CCDC138: variants seen among roughly 807,000 people sequenced by gnomAD.
CCDC138 encodes coiled-coil domain-containing protein 138.
CCDC138 carries 66 observed loss-of-function variants against 82.3 expected under a neutral mutation model. That is an observed-to-expected ratio of 0.80 (90% CI 0.66 to 0.98). The LOEUF is 0.98. CCDC138 is among the 50% of genes least tolerant of loss of function. The pLI, the probability that CCDC138 is intolerant of heterozygous loss-of-function variation, is 0.00. For synonymous variants in CCDC138, 297 were observed against 265.4 expected (o/e 1.12, Z -1.16); for missense variants, 816 against 758.9 (o/e 1.08, Z -0.88).
Position 108,800,638 on chromosome 2 carries a change from T to TTTTA in CCDC138, c.735+2052_735+2053insTTTA, listed in dbSNP as rs1491527939. Among the ~76,000 whole-genome samples the TTTTA allele has an allele frequency of 9.5e-5, 7 of 73,732 alleles. 1 individual carries two copies. The highest frequency in any genetic ancestry group is 3.5e-4 in the African/African-American group (6 of 17,256). The allele number at this position is 73,732 out of a possible 152,430, so 48.4% of individuals were successfully genotyped here. A position where few individuals can be genotyped will look rare whatever the true frequency, so the allele number is the denominator to read the frequency against. On this transcript the variant is annotated intron_variant, in intron 6 of 14. Coordinates refer to ENST00000295124, the MANE Select transcript of CCDC138 (RefSeq NM_144978.3). ...TTTTTTTTTTTTTTTTTTTTTTTTT[T>TTTTA]AATTATACTTTAAGTTTTAGGGTAC...
chr2:108,820,239 G>T (rs929573215), intron 10 of CCDC138, among the ~76,000 whole-genome samples: 3 of 151,960 alleles, frequency 2.0e-5, no homozygotes, highest in Non-Finnish European at 2.9e-5. Context: ...GCGACCCCGT[G>T]CCTACAAAAA....
intron 6 of CCDC138, 58 bp from the exon 7 acceptor site, chr2:108,804,830 TA>T (rs1407088858): frequency 7.3e-7 from 1 of 1,378,240 alleles, no homozygotes; most frequent in African/African-American, 1.5e-5. Flanking sequence ...CGTTCCATAG[TA>T]TTAGTGATAT....
At chr2:108,788,592 C>T (rs535430651) in intron 2 of CCDC138, among the ~76,000 whole-genome samples, 188 of 151,736 alleles carry the variant, frequency 1.2e-3, no homozygotes, top group African/African-American at 4.4e-3. Context: ...TGGTGGCGGG[C>T]TCCTGTAGTC....
At chr2:108,798,639 G>A in intron 6 of CCDC138, 53 bp downstream of exon 6, 1 of 1,387,296 alleles carries the variant, frequency 7.2e-7, no homozygotes, top group Non-Finnish European at 9.9e-7. Context: ...TTTCTTCTTA[G>A]ATTCACTAGT....
intron 4 of CCDC138, among the ~76,000 whole-genome samples, chr2:108,793,931 C>G (rs900042216): frequency 6.6e-6 from 1 of 152,004 alleles, no homozygotes; most frequent in Admixed American, 6.6e-5. Flanking sequence ...ACTTGTACAC[C>G]AGAAGCCACG....
chr2:108,876,203 A>C lies in CCDC138; in HGVS notation c.1948A>C (p.Asn650His). Residue 650 changes from asparagine (N) to histidine (H), a missense_variant, in exon 15 of 15, where the codon AAT (asparagine) becomes CAT (histidine). Coordinates refer to ENST00000295124, the MANE Select transcript of CCDC138 (RefSeq NM_144978.3). ...TATTAATCTAAATTCAACTCTGTTC[A>C]ATCTGGGTTTAACAAAATGTAACTC... ...LCINLNSTLF[N>H]LGLTKCNSLV... 6.2e-7 allele frequency: 1 copy of C among 1,613,292 alleles called. No individual in the cohort carries two copies. Among genetic ancestry groups the C allele is most frequent in the East Asian group, 2.2e-5 (1 of 44,804 alleles).
chr2:108,826,723 T>TG (rs1686671081), intron 10 of CCDC138, among the ~76,000 whole-genome samples: 2 of 152,186 alleles, frequency 1.3e-5, no homozygotes, highest in Admixed American at 6.5e-5. Flanking sequence ...ATATATGTTC[T>TG]GGGTCAATGG....
intron 6 of CCDC138, among the ~76,000 whole-genome samples, chr2:108,803,461 G>C (rs1682325364): frequency 6.6e-6 from 1 of 152,112 alleles, no homozygotes; most frequent in Non-Finnish European, 1.5e-5. Context: ...AATTGTTTTA[G>C]AGACAGAGTC....
At chr2:108,824,295 C>G (rs1353550743) in intron 10 of CCDC138, among the ~76,000 whole-genome samples, 2 of 151,996 alleles carry the variant, frequency 1.3e-5, no homozygotes, top group African/African-American at 2.4e-5. Context: ...ATACATTGTA[C>G]AGGTATACAA....
Position 108,805,024 on chromosome 2 carries a change from A to G in CCDC138, c.855+16A>G, listed in dbSNP as rs367732258. 5.8e-4 allele frequency: 809 copies of G among 1,390,004 alleles called. 4 individuals carry two copies. Among genetic ancestry groups the G allele is most frequent in the South Asian group, 3.1e-3 (213 of 67,958 alleles). 86.1% of individuals were successfully genotyped at this position (1,390,004 alleles called of 1,614,324 possible). A position where few individuals can be genotyped will look rare whatever the true frequency, so the allele number is the denominator to read the frequency against. On this transcript the variant is annotated intron_variant, in intron 7 of 14. Transcript: ENST00000295124. ...AAAAAAACAGGTAAGACCTGTTTTA[A>G]TATATACTGAACATAAGACATTCTA...
chr2:108,818,542 G>A (rs932406258), intron 10 of CCDC138, among the ~76,000 whole-genome samples: 10 of 152,000 alleles, frequency 6.6e-5, no homozygotes, highest in African/African-American at 2.2e-4. Flanking sequence ...CAATTTTAAG[G>A]TGTATAAATA....
intron 13 of CCDC138, among the ~76,000 whole-genome samples, chr2:108,872,274 A>G (rs1392941887): frequency 1.3e-5 from 2 of 151,912 alleles, no homozygotes; most frequent in Non-Finnish European, 1.5e-5. Context: ...CCCAAAATTT[A>G]TGTCCTTCTC....
At chr2:108,814,842 G>C (rs1230304313) in intron 9 of CCDC138, among the ~76,000 whole-genome samples, 1 of 151,640 alleles carries the variant, frequency 6.6e-6, no homozygotes, top group Non-Finnish European at 1.5e-5. Flanking sequence ...CACCATGTTG[G>C]CTAGGCTGGT....
intron 7 of CCDC138, among the ~76,000 whole-genome samples, chr2:108,807,998 T>C (rs1683153866): frequency 6.6e-6 from 1 of 152,238 alleles, no homozygotes; most frequent in African/African-American, 2.4e-5. Flanking sequence ...GTAACCAATA[T>C]TATATTCTGT....
chr2:108,833,698 A>G (rs1688077359), intron 10 of CCDC138, among the ~76,000 whole-genome samples: 1 of 151,476 alleles, frequency 6.6e-6, no homozygotes, highest in African/African-American at 2.4e-5. Context: ...TTTTTTGTTG[A>G]CAAAATCAAA....
At chr2:108,870,125 G>C (rs1399087749) in intron 13 of CCDC138, among the ~76,000 whole-genome samples, 1 of 152,020 alleles carries the variant, frequency 6.6e-6, no homozygotes, top group Non-Finnish European at 1.5e-5. Context: ...AATGAAATCA[G>C]GGAAATGATA....
chr2:108,812,987 CACCTGTAATCCCAG>C, intron 9 of CCDC138, 60 bp downstream of exon 9: 12 of 1,387,980 alleles, frequency 8.6e-6, no homozygotes, highest in Non-Finnish European at 1.2e-5. Context: ...CGGTGGCTCA[CACCTGTAATCCCAG>C]CACTTTGGGA....
At chr2:108,821,861 C>G (rs1574071365) in intron 10 of CCDC138, among the ~76,000 whole-genome samples, 1 of 148,212 alleles carries the variant, frequency 6.7e-6, no homozygotes, top group East Asian at 2.0e-4. Flanking sequence ...GGGAGAATTG[C>G]TTGAACCCAG....
At position 108,791,765 on chromosome 2, in the gene CCDC138, G is replaced by A. The variant is rs36034137; in HGVS notation, c.357G>A (p.Ser119=). 8.8e-4 allele frequency: 1,413 copies of A among 1,599,060 alleles called. 2 individuals are homozygous for A. The highest frequency in any genetic ancestry group is 8.3e-3 in the African/African-American group (620 of 74,482). ...AAAATGATTATAGAGTTAGTACCTCGAAAATAACCAAGCAGTCTTTTAAAG... is the reference window on the plus strand; with the variant it reads ...AAAATGATTATAGAGTTAGTACCTCAAAAATAACCAAGCAGTCTTTTAAAG... ...LIENDYRVST[S]KITKQSFKEI... Residue 119 remains serine, a synonymous_variant, in exon 4 of 15, where the codon TCG becomes TCA. Transcript: ENST00000295124.
Sources: allele counts gnomAD v4.1 joint callset (sites outside exome capture counted in the v4.1 genomes callset), GRCh38; gene constraint gnomAD v4.1.1; transcripts MANE v1.5; gene names NCBI Gene and HGNC (gene_info 2026-07-23, HGNC 2026-07-21).